NELL2: variants seen among roughly 807,000 people sequenced by gnomAD.
The protein encoded by NELL2 is neural EGFL like 2.
In NELL2, 41 loss-of-function variants were observed where a neutral mutation model predicts 109.6. That is an observed-to-expected ratio of 0.37 (90% CI 0.29 to 0.49). The LOEUF (loss-of-function observed/expected upper bound fraction) is 0.49. Among genes scored for constraint, NELL2 ranks in the 20% least tolerant of loss-of-function variants. The pLI, the probability that NELL2 is intolerant of heterozygous loss-of-function variation, is 0.98. For synonymous variants in NELL2, 355 were observed against 344.7 expected (o/e 1.03, Z -0.33); for missense variants, 900 against 1,008.3 (o/e 0.89, Z 1.45).
intron 15 of NELL2, among the ~76,000 whole-genome samples, chr12:44,585,997 T>A (rs1944481617): frequency 1.3e-5 from 2 of 151,660 alleles, no homozygotes; most frequent in Non-Finnish European, 1.5e-5. Context: ...CACACCCATA[T>A]GCTGTTCAAA....
intron 15 of NELL2, among the ~76,000 whole-genome samples, chr12:44,593,706 C>T (rs1005760054): frequency 1.3e-5 from 2 of 152,186 alleles, no homozygotes; most frequent in Admixed American, 6.5e-5. Context: ...CTAATTTACA[C>T]TCCCATCAAC....
intron 1 of NELL2, among the ~76,000 whole-genome samples, chr12:44,894,427 C>G (rs1945570725): frequency 6.6e-6 from 1 of 152,154 alleles, no homozygotes; most frequent in African/African-American, 2.4e-5. Context: ...AAATTTTTAT[C>G]TAAAGCAAGG....
At chr12:44,921,569 T>C (rs1945868194) in intron 1 of NELL2, among the ~76,000 whole-genome samples, 1 of 152,164 alleles carries the variant, frequency 6.6e-6, no homozygotes, top group South Asian at 2.1e-4. Context: ...GATGATTAAT[T>C]GAATTAATAC....
chr12:44,572,844 T>G (rs1003601057), intron 15 of NELL2, among the ~76,000 whole-genome samples: 5 of 152,188 alleles, frequency 3.3e-5, no homozygotes, highest in Admixed American at 1.3e-4. Flanking sequence ...CACTGGAGAC[T>G]AGAGAGATTC....
intron 15 of NELL2, among the ~76,000 whole-genome samples, chr12:44,598,562 A>ATACTT (rs1945062359): frequency 6.6e-6 from 1 of 152,204 alleles, no homozygotes; most frequent in Non-Finnish European, 1.5e-5. Flanking sequence ...CAGTGAAATC[A>ATACTT]TACTTATGTT....
intron 9 of NELL2, among the ~76,000 whole-genome samples, chr12:44,747,472 A>T (rs1226147720): frequency 6.6e-6 from 1 of 152,060 alleles, no homozygotes; most frequent in Non-Finnish European, 1.5e-5. Context: ...AATATTAAAA[A>T]GAATACAGTA....
intron 3 of NELL2, among the ~76,000 whole-genome samples, chr12:44,788,841 C>T (rs545372755): frequency 5.3e-5 from 8 of 152,170 alleles, no homozygotes; most frequent in Non-Finnish European, 7.4e-5. Context: ...GGAGTAAGAC[C>T]GCCCCTTTGA....
chr12:44,685,281 A>C (rs1010146365), intron 12 of NELL2, among the ~76,000 whole-genome samples: 90 of 151,734 alleles, frequency 5.9e-4, no homozygotes, highest in Admixed American at 4.8e-3. Flanking sequence ...ATCTTCCTCC[A>C]TCCTTTTATT....
At chr12:44,660,865 G>A (rs1472084865) in intron 13 of NELL2, among the ~76,000 whole-genome samples, 1 of 152,168 alleles carries the variant, frequency 6.6e-6, no homozygotes, top group Non-Finnish European at 1.5e-5. Context: ...ACAGGCATGA[G>A]TGGGGCAGGA....
chr12:44,917,815 G>A (rs1441103498), upstream of NELL2, among the ~76,000 whole-genome samples: 1 of 152,190 alleles, frequency 6.6e-6, no homozygotes, highest in Non-Finnish European at 1.5e-5. Flanking sequence ...AGAAGCTCAT[G>A]TGGCAAGTAA....
Position 44,875,903 on chromosome 12 carries a change from T to C in NELL2, c.-34A>G. ...TCAGCTCAGTCCATCGTCTCCCTCT[T>C]TAAAAATAAAAATAAAAATCGAAGA... On this transcript the variant is annotated 5_prime_UTR_variant, in exon 1 of 20. Transcript: ENST00000429094. 1 of 1,613,422 alleles carries C rather than the reference T, an allele frequency of 6.2e-7. No individual in the cohort carries two copies. The highest frequency in any genetic ancestry group is 8.5e-7 in the Non-Finnish European group (1 of 1,179,992).
At chr12:44,550,902 T>C (rs1055838142) in intron 15 of NELL2, among the ~76,000 whole-genome samples, 2 of 152,142 alleles carry the variant, frequency 1.3e-5, no homozygotes, top group African/African-American at 4.8e-5. Context: ...CTGTGCAAAG[T>C]TTCAGTTATG....
At chr12:44,606,100 G>T (rs1356315584) in intron 15 of NELL2, among the ~76,000 whole-genome samples, 1 of 152,066 alleles carries the variant, frequency 6.6e-6, no homozygotes, top group Admixed American at 6.6e-5. Context: ...ACAGACTTTT[G>T]AAATCAGTCA....
chr12:44,603,122 T>C (rs1208453327), intron 15 of NELL2, among the ~76,000 whole-genome samples: 1 of 152,110 alleles, frequency 6.6e-6, no homozygotes, highest in Non-Finnish European at 1.5e-5. Context: ...GCAACTTAAA[T>C]TTATATTCAT....
intron 9 of NELL2, among the ~76,000 whole-genome samples, chr12:44,772,246 G>A (rs544717540): frequency 6.6e-6 from 1 of 150,526 alleles, no homozygotes; most frequent in African/African-American, 2.4e-5. Context: ...AAATAAGACT[G>A]TTTCTCCTCA....
chr12:44,818,042 C>T (rs191047283), intron 2 of NELL2, among the ~76,000 whole-genome samples: 5 of 147,868 alleles, frequency 3.4e-5, no homozygotes, highest in Middle Eastern at 3.4e-3. Context: ...CTTCAACATT[C>T]CCATTCAACA....
intron 2 of NELL2, among the ~76,000 whole-genome samples, chr12:44,869,582 G>A (rs1477368763): frequency 6.7e-6 from 1 of 149,354 alleles, no homozygotes; most frequent in Non-Finnish European, 1.5e-5. Flanking sequence ...ATGTCATGGG[G>A]ATTCACTCCA....
At chr12:44,544,510 G>T (rs1942713252) in intron 15 of NELL2, among the ~76,000 whole-genome samples, 1 of 152,054 alleles carries the variant, frequency 6.6e-6, no homozygotes, top group Admixed American at 6.6e-5. Flanking sequence ...TAATTTTCTG[G>T]TTTTGAGTTT....
At chr12:44,714,293 C>A (rs1166964465) in intron 10 of NELL2, among the ~76,000 whole-genome samples, 3 of 151,960 alleles carry the variant, frequency 2.0e-5, no homozygotes, top group Middle Eastern at 6.8e-3. Context: ...TTGAACTGAG[C>A]AATACTTCTC....
Sources: allele counts gnomAD v4.1 joint callset (sites outside exome capture counted in the v4.1 genomes callset), GRCh38; gene constraint gnomAD v4.1.1; transcripts MANE v1.5; gene names NCBI Gene and HGNC (gene_info 2026-07-23, HGNC 2026-07-21).